The following SVOP variants were observed in gnomAD, a reference collection of about 807,000 sequenced individuals.
SVOP encodes SV2 related protein, also known as synaptic vesicle 2-related protein.
Under a neutral mutation model 69.1 loss-of-function variants are expected in SVOP, and 17 were observed. The observed-to-expected ratio is 0.25, with a 90% CI of 0.17 to 0.37. SVOP has a LOEUF of 0.37. SVOP is among the 10% of genes least tolerant of loss of function. The pLI is 1.00. For missense variants in SVOP, 435 were observed against 597.5 expected, an observed-to-expected ratio of 0.73 and a Z score of 2.84; for synonymous variants, 238 against 238.6, an observed-to-expected ratio of 1.00 and a Z score of 0.02.
intron 11 of SVOP, 151 bp downstream of exon 11, chr12:108,934,044 G>T: frequency 1.6e-6 from 1 of 631,350 alleles, no homozygotes; most frequent in Non-Finnish European, 2.7e-6. Context: ...CGACAAGACT[G>T]TCCAGGTTTC....
intron 4 of SVOP, among the ~76,000 whole-genome samples, chr12:108,974,494 T>C (rs1427119767): frequency 6.6e-6 from 1 of 152,104 alleles, no homozygotes; most frequent in Non-Finnish European, 1.5e-5. Context: ...AATAGGGTAA[T>C]GAATGTGATC....
At chr12:109,020,754 A>ACCCCCCCCCCCCCCCCCCCC (rs67827847) in intron 1 of SVOP, 80 bp downstream of exon 1, 4 of 239,436 alleles carry the variant, frequency 1.7e-5, no homozygotes, top group South Asian at 3.4e-5. Flanking sequence ...GCAGAGATGT[A>ACCCCCCCCCCCCCCCCCCCC]CCCCCCCCCA....
chr12:108,965,825 C>T (rs1374838447), intron 5 of SVOP, among the ~76,000 whole-genome samples: 1 of 152,190 alleles, frequency 6.6e-6, no homozygotes, highest in East Asian at 1.9e-4. Flanking sequence ...CAGGCACCTT[C>T]ACTTCCTTCT....
intron 6 of SVOP, among the ~76,000 whole-genome samples, chr12:108,957,249 C>T (rs536213399): frequency 1.5e-3 from 228 of 152,222 alleles, no homozygotes; most frequent in African/African-American, 4.7e-3. Context: ...CTGCAAACTC[C>T]GCCTCCTGGG....
At chr12:108,944,363 T>A (rs1409351200) in intron 7 of SVOP, among the ~76,000 whole-genome samples, 2 of 152,084 alleles carry the variant, frequency 1.3e-5, no homozygotes, top group Non-Finnish European at 2.9e-5. Flanking sequence ...TGTGGATCAG[T>A]GGAGCATCAC....
intron 11 of SVOP, 138 bp downstream of exon 11, chr12:108,934,057 C>T: frequency 1.5e-6 from 1 of 672,566 alleles, no homozygotes. Context: ...CAGGTTTCTA[C>T]AGAGTGTCTT....
rs1038996421 is a variant in SVOP at position 109,010,381 on chromosome 12, T to A, written c.35+10453A>T. Among the ~76,000 whole-genome samples the A allele has an allele frequency of 9.2e-5, 14 of 152,272 alleles. No individual in the cohort carries two copies. The East Asian group carries it at 2.3e-3, about 25-fold the overall frequency. ...TCTTTTAGACAGCCCAGAGAAGACT[T>A]TAGCTGGGGCTGTAAAGCCACTGTC... On this transcript the variant is annotated intron_variant, in intron 1 of 15. Coordinates refer to ENST00000610966, the MANE Select transcript of SVOP (RefSeq NM_018711.5).
chr12:108,977,217 G>A (rs370783516), intron 4 of SVOP, among the ~76,000 whole-genome samples, 181 bp downstream of exon 4: 20 of 152,208 alleles, frequency 1.3e-4, no homozygotes, highest in African/African-American at 4.1e-4. Flanking sequence ...CTGGACCTCC[G>A]GGTGAAGTAG....
At chr12:109,013,579 C>T (rs1418454694) in intron 1 of SVOP, among the ~76,000 whole-genome samples, 4 of 151,830 alleles carry the variant, frequency 2.6e-5, no homozygotes, top group East Asian at 1.9e-4. Flanking sequence ...TTAGTAGAGA[C>T]GGTTTTCACC....
chr12:108,991,868 C>T (rs2040203692), intron 1 of SVOP, among the ~76,000 whole-genome samples: 1 of 152,022 alleles, frequency 6.6e-6, no homozygotes, highest in South Asian at 2.1e-4. Flanking sequence ...GTCTCTTGAG[C>T]CCAGGAAGTT....
intron 6 of SVOP, among the ~76,000 whole-genome samples, chr12:108,945,768 CA>C (rs1489332269): frequency 1.3e-5 from 2 of 152,074 alleles, no homozygotes; most frequent in Non-Finnish European, 1.5e-5. Context: ...CCAATAAGTC[CA>C]GGGAAAAATG....
rs1017113140 is a variant in SVOP, at chr12:108,922,078, T to A, written c.1156+612A>T. ...AGGATGATTCTCCATGGGTTTCTCA[T>A]ATTTCTACACATCTTATGAGCAGAG... On this transcript the variant is annotated intron_variant, in intron 12 of 15. Coordinates refer to ENST00000610966, the MANE Select transcript of SVOP (RefSeq NM_018711.5). 3.9e-5 allele frequency among the ~76,000 whole-genome samples: 6 copies of A among 152,342 alleles called. No homozygotes were observed. The East Asian group carries it at 1.2e-3, about 29-fold the overall frequency.
At chr12:108,997,491 CT>C (rs1367504674) in intron 1 of SVOP, among the ~76,000 whole-genome samples, 1 of 152,178 alleles carries the variant, frequency 6.6e-6, no homozygotes, top group Non-Finnish European at 1.5e-5. Context: ...CCTCTGTAGG[CT>C]CCACCTCTGC....
At chr12:108,957,471 A>G (rs938343666) in intron 6 of SVOP, among the ~76,000 whole-genome samples, 1 of 151,964 alleles carries the variant, frequency 6.6e-6, no homozygotes, top group African/African-American at 2.4e-5. Flanking sequence ...GACCCATTAG[A>G]CTTTAAGCAA....
chr12:109,009,907 T>C (rs1432638532), intron 1 of SVOP, among the ~76,000 whole-genome samples: 1 of 151,988 alleles, frequency 6.6e-6, no homozygotes, highest in Non-Finnish European at 1.5e-5. Context: ...TGGTCTAAAA[T>C]GTGAATAGTG....
intron 1 of SVOP, among the ~76,000 whole-genome samples, chr12:109,000,018 C>T (rs1029535153): frequency 6.6e-6 from 1 of 151,208 alleles, no homozygotes; most frequent in African/African-American, 2.4e-5. Flanking sequence ...ATTAATGAAT[C>T]CAGGAGCTGG....
chr12:109,004,891 C>T (rs1384203349), intron 1 of SVOP, among the ~76,000 whole-genome samples: 1 of 151,886 alleles, frequency 6.6e-6, no homozygotes, highest in Non-Finnish European at 1.5e-5. Context: ...GTATCCACCA[C>T]CATGCCTAGC....
intron 6 of SVOP, among the ~76,000 whole-genome samples, chr12:108,948,723 A>G (rs2039938202): frequency 6.6e-6 from 1 of 152,156 alleles, no homozygotes; most frequent in African/African-American, 2.4e-5. Flanking sequence ...AGATATATAT[A>G]TACTACCAAA....
chr12:108,972,581 G>A (rs1374735257), intron 4 of SVOP, 105 bp from the exon 5 acceptor site: 35 of 1,167,436 alleles, frequency 3.0e-5, no homozygotes, highest in Non-Finnish European at 4.2e-5. Flanking sequence ...TAACAGCAAT[G>A]ATCTAACATT....
Sources: allele counts gnomAD v4.1 joint callset (sites outside exome capture counted in the v4.1 genomes callset), GRCh38; gene constraint gnomAD v4.1.1; transcripts MANE v1.5; gene names NCBI Gene and HGNC (gene_info 2026-07-23, HGNC 2026-07-21).